The following PARD3B variants were observed in gnomAD, a reference collection of about 807,000 sequenced individuals.
The protein encoded by PARD3B is par-3 family cell polarity regulator beta.
PARD3B carries 103 observed loss-of-function variants against 130.2 expected under a neutral mutation model. That is an observed-to-expected ratio of 0.79 (90% CI 0.67 to 0.93). The LOEUF (loss-of-function observed/expected upper bound fraction) is 0.93, where lower values mean the gene tolerates loss of function less well. PARD3B is among the 40% of genes least tolerant of loss of function. The pLI, the probability that PARD3B is intolerant of heterozygous loss-of-function variation, is 0.00. For synonymous variants in PARD3B, 583 were observed against 553.2 expected (o/e 1.05, Z -0.76); for missense variants, 1,609 against 1,499.2 (o/e 1.07, Z -1.21).
At chr2:205,306,851 C>T (rs1344573144) in intron 18 of PARD3B, among the ~76,000 whole-genome samples, 1 of 152,164 alleles carries the variant, frequency 6.6e-6, no homozygotes, top group African/African-American at 2.4e-5. Context: ...ACAGATTTTG[C>T]TTTAATTCTC....
At chr2:205,238,153 T>A (rs1431252925) in intron 15 of PARD3B, among the ~76,000 whole-genome samples, 2 of 152,196 alleles carry the variant, frequency 1.3e-5, no homozygotes, top group Admixed American at 1.3e-4. Flanking sequence ...CTAGACGTGG[T>A]ACTAGGCTAA....
intron 19 of PARD3B, among the ~76,000 whole-genome samples, chr2:205,408,675 C>T (rs1425227974): frequency 1.3e-5 from 2 of 152,080 alleles, no homozygotes; most frequent in African/African-American, 4.8e-5. Context: ...ATTTGCCAAG[C>T]AATTCTCAAT....
chr2:205,085,718 C>T (rs1701703066), intron 4 of PARD3B, among the ~76,000 whole-genome samples: 1 of 151,652 alleles, frequency 6.6e-6, no homozygotes. Flanking sequence ...AGGTATTTTC[C>T]ATCAAATTAT....
intron 2 of PARD3B, among the ~76,000 whole-genome samples, chr2:204,763,297 A>G (rs1305351061): frequency 6.6e-6 from 1 of 152,206 alleles, no homozygotes; most frequent in East Asian, 1.9e-4. Flanking sequence ...TTAAGTTATT[A>G]TATATAGATT....
rs796519631 is a variant in PARD3B at position 205,568,106 on chromosome 2, G to C, written c.3260+14703G>C. Reference sequence around the variant, plus strand: ...CCAGGCAGCACAGATGCTTGGATAAGGACCGTAGTGGACAGAAGTGCTGCA... The same window carrying C: ...CCAGGCAGCACAGATGCTTGGATAACGACCGTAGTGGACAGAAGTGCTGCA... On this transcript the variant is annotated intron_variant, in intron 22 of 22. Transcript: ENST00000406610. This position sits in a 1 kb window ranked among gnomAD's most constrained non-coding sequence, Gnocchi z 5.3. Among the ~76,000 whole-genome samples the C allele has an allele frequency of 2.6e-5, 4 of 152,340 alleles. No homozygotes were observed. The highest frequency in any genetic ancestry group is 9.6e-5 in the African/African-American group (4 of 41,576).
At chr2:205,167,253 A>G (rs747685645) in intron 11 of PARD3B, among the ~76,000 whole-genome samples, 2 of 152,170 alleles carry the variant, frequency 1.3e-5, no homozygotes, top group Non-Finnish European at 2.9e-5. Flanking sequence ...CCCCCCAGCA[A>G]TCATAAATAA....
At chr2:204,738,883 T>A (rs545231347) in intron 2 of PARD3B, among the ~76,000 whole-genome samples, 1 of 152,314 alleles carries the variant, frequency 6.6e-6, no homozygotes, top group Non-Finnish European at 1.5e-5. Flanking sequence ...TGAGACCTAC[T>A]AAATAGTCTC....
chr2:205,583,981 A>G (rs911432432), intron 22 of PARD3B, among the ~76,000 whole-genome samples: 1 of 152,224 alleles, frequency 6.6e-6, no homozygotes, highest in Non-Finnish European at 1.5e-5. Flanking sequence ...ATTTATAAAG[A>G]GCCATGTTAC....
chr2:204,947,032 G>A (rs180680975), intron 2 of PARD3B, among the ~76,000 whole-genome samples: 210 of 152,286 alleles, frequency 1.4e-3, no homozygotes, highest in Admixed American at 2.7e-3. Context: ...TTTGGGAAGG[G>A]CAGTCTGCTT....
chr2:204,616,507 C>T (rs2034118586), intron 1 of PARD3B, among the ~76,000 whole-genome samples: 1 of 152,122 alleles, frequency 6.6e-6, no homozygotes, highest in African/African-American at 2.4e-5. Context: ...GGAACTCGTT[C>T]ATTACTGGTG....
At chr2:204,698,239 C>A (rs781162870) in intron 2 of PARD3B, among the ~76,000 whole-genome samples, 2 of 152,040 alleles carry the variant, frequency 1.3e-5, no homozygotes, top group Non-Finnish European at 1.5e-5. Flanking sequence ...TTTTTGGGCT[C>A]CTCTTTATTT....
At chr2:205,067,606 A>C (rs191703385) in intron 4 of PARD3B, among the ~76,000 whole-genome samples, 9 of 152,294 alleles carry the variant, frequency 5.9e-5, no homozygotes, top group Non-Finnish European at 5.9e-5. Flanking sequence ...CCAATGTTTT[A>C]AGTTGGAATT....
At chr2:204,821,704 TAAAAA>T (rs965211843) in intron 2 of PARD3B, among the ~76,000 whole-genome samples, 1 of 150,470 alleles carries the variant, frequency 6.6e-6, no homozygotes, top group Non-Finnish European at 1.5e-5. Flanking sequence ...AATAATAAAA[TAAAAA>T]AAATTAAAAA....
intron 18 of PARD3B, among the ~76,000 whole-genome samples, chr2:205,323,197 C>A (rs1280509582): frequency 6.6e-6 from 1 of 151,942 alleles, no homozygotes; most frequent in African/African-American, 2.4e-5. Flanking sequence ...GCGTGAGCCA[C>A]CGTGCCTGGC....
At position 205,248,418 on chromosome 2, in the gene PARD3B, GGCAGCA is replaced by G. The variant is rs1370703012; in HGVS notation, c.2185+2607_2185+2612del. Among the ~76,000 whole-genome samples, 42 of 150,774 alleles carry G rather than the reference GGCAGCA, an allele frequency of 2.8e-4. 1 individual carries two copies. The highest frequency in any genetic ancestry group is 9.3e-4 in the African/African-American group (38 of 40,702). ...TGGTGGTGGTGGTGGTGGTGGTGGC[GGCAGCA>G]GCAGCAGCAGAGGGTTAAGGGTTCT... On this transcript the variant is annotated intron_variant, in intron 16 of 22. Coordinates refer to ENST00000406610, the MANE Select transcript of PARD3B (RefSeq NM_001302769.2).
chr2:205,185,661 A>G, intron 13 of PARD3B, 103 bp from the exon 14 acceptor site: 1 of 839,524 alleles, frequency 1.2e-6, no homozygotes, highest in Non-Finnish European at 2.0e-6. Context: ...GGGCTGGTTT[A>G]TGTGTTGGCT....
At chr2:205,001,120 C>T (rs1280609630) in intron 3 of PARD3B, among the ~76,000 whole-genome samples, 1 of 152,152 alleles carries the variant, frequency 6.6e-6, no homozygotes, top group East Asian at 1.9e-4. Flanking sequence ...TCCCTAGTAG[C>T]TGGGATTACA....
At chr2:205,286,395 A>T (rs1165442698) in intron 16 of PARD3B, among the ~76,000 whole-genome samples, 1 of 152,136 alleles carries the variant, frequency 6.6e-6, no homozygotes, top group African/African-American at 2.4e-5. Context: ...TTTTTCCATT[A>T]TCCCACTTTT....
chr2:205,081,907 G>A (rs980796659), intron 4 of PARD3B, among the ~76,000 whole-genome samples: 2 of 152,090 alleles, frequency 1.3e-5, no homozygotes, highest in Admixed American at 6.5e-5. Context: ...TAATGTGTGG[G>A]AAAGTGTTCT....
Sources: allele counts gnomAD v4.1 joint callset (sites outside exome capture counted in the v4.1 genomes callset), GRCh38; gene constraint gnomAD v4.1.1; non-coding constraint Gnocchi (gnomAD v3.1); transcripts MANE v1.5; gene names NCBI Gene and HGNC (gene_info 2026-07-23, HGNC 2026-07-21).